Variants in ABCE1 observed in about 807,000 individuals in gnomAD.
ABCE1 encodes the protein ATP-binding cassette sub-family E member 1.
Under a neutral mutation model 83.4 loss-of-function variants are expected in ABCE1, and 22 were observed. The observed-to-expected ratio is 0.26, with a 90% confidence interval of 0.19 to 0.38. ABCE1 has a LOEUF of 0.38. Ranked by LOEUF, ABCE1 falls within the 10% of genes least tolerant of loss-of-function variation. The pLI, the probability that ABCE1 is intolerant of heterozygous loss-of-function variation, is 1.00. For synonymous variants in ABCE1, 204 were observed against 233.7 expected, an observed-to-expected ratio of 0.87 and a Z score of 1.16; for missense variants, 330 against 721.9, an observed-to-expected ratio of 0.46 and a Z score of 6.22.
chr4:145,110,897 T>C, intron 7 of ABCE1, 71 bp from the exon 8 acceptor site: 1 of 942,482 alleles, frequency 1.1e-6, no homozygotes, highest in Non-Finnish European at 1.6e-6. Flanking sequence ...CTTCAAATGA[T>C]GACATGCAGT....
chr4:145,107,191 C>T (rs1349256136), intron 3 of ABCE1, among the ~76,000 whole-genome samples: 3 of 151,706 alleles, frequency 2.0e-5, no homozygotes, highest in South Asian at 2.1e-4. Context: ...GAATTGACTC[C>T]GAGAATTCAA....
intron 9 of ABCE1, among the ~76,000 whole-genome samples, chr4:145,115,426 C>G (rs1359634276): frequency 2.6e-5 from 4 of 151,896 alleles, no homozygotes; most frequent in Non-Finnish European, 4.4e-5. Flanking sequence ...ACCAGCTCAC[C>G]TGGGTGATTT....
Position 145,129,366 on chromosome 4 carries a change from T to C in ABCE1, c.*1793T>C, listed in dbSNP as rs1380175517. 6.6e-6 allele frequency among the ~76,000 whole-genome samples: 1 copy of C among 152,006 alleles called. No individual in the cohort carries two copies. ...AAATACTTATAAAATCAGTATAAAA[T>C]CAATGCAGATGTTAGCAAAAGAATG... is the stretch of plus-strand genomic sequence containing the variant. On this transcript the variant is annotated 3_prime_UTR_variant, in exon 18 of 18. Transcript: ENST00000296577.
chr4:145,105,283 G>A (rs1335479517), intron 2 of ABCE1, among the ~76,000 whole-genome samples: 1 of 151,882 alleles, frequency 6.6e-6, no homozygotes, highest in Non-Finnish European at 1.5e-5. Context: ...TAAAATTTAG[G>A]TTAATCAGCT....
Position 145,110,088 on chromosome 4 carries a change from T to C in ABCE1, c.406-15T>C. ...ATTAAATTCACATGATTCTGTATTT[T>C]TTTTTTTTTTTTAGGATCCTCCTGA... On this transcript the variant is annotated splice_polypyrimidine_tract_variant and intron_variant, in intron 5 of 17. Coordinates refer to ENST00000296577, the MANE Select transcript of ABCE1 (RefSeq NM_002940.3). 2.0e-6 allele frequency: 3 copies of C among 1,528,712 alleles called. No individual in the cohort carries two copies. Among genetic ancestry groups the C allele is most frequent in the Non-Finnish European group, 2.6e-6 (3 of 1,140,200 alleles). 94.7% of individuals were successfully genotyped at this position (1,528,712 alleles called of 1,614,324 possible).
At chr4:145,103,907 G>A (rs896389611) in intron 1 of ABCE1, among the ~76,000 whole-genome samples, 5 of 151,670 alleles carry the variant, frequency 3.3e-5, no homozygotes, top group African/African-American at 7.3e-5. Flanking sequence ...GACCGCAGGC[G>A]CACACCACCA....
intron 3 of ABCE1, among the ~76,000 whole-genome samples, chr4:145,107,463 C>G (rs1229151865): frequency 6.6e-6 from 1 of 152,130 alleles, no homozygotes; most frequent in African/African-American, 2.4e-5. Context: ...TTAGCCTCCC[C>G]TCATCTAATA....
rs570210416 is a variant in ABCE1, at chr4:145,125,176, A to G, written c.1752+75A>G. The G allele has an allele frequency of 6.1e-5, 68 of 1,118,350 alleles. No individual in the cohort carries two copies. In the African/African-American group the frequency reaches 8.0e-4, roughly 13 times the overall value. 69.3% of individuals were successfully genotyped at this position (1,118,350 alleles called of 1,614,324 possible). ...CACTTGAAAGGCTATTTAAAAATCA[A>G]TAACATATGGCTGGGCACAGTGGCT... On this transcript the variant is annotated intron_variant, in intron 17 of 17. Coordinates refer to ENST00000296577, the MANE Select transcript of ABCE1 (RefSeq NM_002940.3).
chr4:145,121,470 A>G, intron 13 of ABCE1, 79 bp downstream of exon 13: 1 of 1,086,852 alleles, frequency 9.2e-7, no homozygotes, highest in South Asian at 1.5e-5. Flanking sequence ...ACTATATTAA[A>G]ATTTTTCTCC....
intron 4 of ABCE1, among the ~76,000 whole-genome samples, chr4:145,108,442 C>T (rs1221179724): frequency 6.6e-6 from 1 of 152,076 alleles, no homozygotes; most frequent in Non-Finnish European, 1.5e-5. Flanking sequence ...GTTCCTAGTA[C>T]CCTTATCCCC....
intron 9 of ABCE1, among the ~76,000 whole-genome samples, chr4:145,112,985 T>C (rs1040312362): frequency 1.3e-5 from 2 of 152,224 alleles, no homozygotes; most frequent in African/African-American, 2.4e-5. Context: ...TTCTGTGTTA[T>C]ACTGCCTCTT....
intron 11 of ABCE1, among the ~76,000 whole-genome samples, 173 bp downstream of exon 11, chr4:145,120,326 A>G (rs1017875107): frequency 3.9e-5 from 6 of 152,102 alleles, no homozygotes; most frequent in African/African-American, 9.6e-5. Flanking sequence ...GTGTAATTCA[A>G]TTTCACTGTA....
At position 145,108,101 on chromosome 4, in the gene ABCE1, C is replaced by T. The variant is rs1026793710; in HGVS notation, c.276C>T (p.Phe92=). Residue 92 remains phenylalanine, a synonymous_variant, in exon 4 of 18, where the codon TTC becomes TTT. Coordinates refer to ENST00000296577, the MANE Select transcript of ABCE1 (RefSeq NM_002940.3). ...CACATCGATATTGTGCCAATGCCTT[C>T]AAACTTCACAGGTATATTTTCACAT... ...ETTHRYCANA[F]KLHRLPIPRP... The T allele has an allele frequency of 6.2e-7, 1 of 1,612,542 alleles. No homozygotes were observed. The highest frequency in any genetic ancestry group is 8.5e-7 in the Non-Finnish European group (1 of 1,179,004).
chr4:145,105,222 C>G (rs542592265), intron 2 of ABCE1, among the ~76,000 whole-genome samples: 1 of 151,940 alleles, frequency 6.6e-6, no homozygotes, highest in Non-Finnish European at 1.5e-5. Context: ...ATAGTTCATT[C>G]GTTTAATGCT....
rs760155803 is a variant in ABCE1 at position 145,104,545 on chromosome 4, A to G, written c.103+30A>G. 5 of 1,415,318 alleles carry G rather than the reference A, an allele frequency of 3.5e-6. No homozygotes were observed. In the Admixed American group the frequency reaches 6.5e-5, roughly 18 times the overall value. 87.7% of individuals were successfully genotyped at this position (1,415,318 alleles called of 1,614,324 possible). On this transcript the variant is annotated intron_variant, in intron 2 of 17. Coordinates refer to ENST00000296577, the MANE Select transcript of ABCE1 (RefSeq NM_002940.3). ...GCTGTTCTGTGGATCATTTAAGTAT[A>G]AAAGAAAACCATGAAAGAAATCAAC... is the stretch of plus-strand genomic sequence containing the variant.
At chr4:145,115,705 A>G (rs561813650) in intron 9 of ABCE1, among the ~76,000 whole-genome samples, 33 of 152,066 alleles carry the variant, frequency 2.2e-4, no homozygotes, top group African/African-American at 7.2e-4. Context: ...AGTAGTCACT[A>G]TATGGGACAA....
chr4:145,126,050 C>T (rs1025365351), intron 17 of ABCE1, among the ~76,000 whole-genome samples: 2 of 151,924 alleles, frequency 1.3e-5, no homozygotes, highest in African/African-American at 4.8e-5. Context: ...CTGCCCCCGC[C>T]CCCGCAACCC....
intron 1 of ABCE1, among the ~76,000 whole-genome samples, chr4:145,101,889 C>A (rs1477944654): frequency 6.6e-6 from 1 of 151,946 alleles, no homozygotes; most frequent in Non-Finnish European, 1.5e-5. Context: ...GGTATGCTGA[C>A]TAAAGATAGA....
chr4:145,104,286 TC>T (rs1749237685), intron 1 of ABCE1, 99 bp from the exon 2 acceptor site: 2 of 433,020 alleles, frequency 4.6e-6, no homozygotes, highest in Admixed American at 8.7e-5. Context: ...GATAATCATT[TC>T]ATCTCCATAT....
Sources: allele counts gnomAD v4.1 joint callset (sites outside exome capture counted in the v4.1 genomes callset), GRCh38; gene constraint gnomAD v4.1.1; transcripts MANE v1.5; gene names NCBI Gene and HGNC (gene_info 2026-07-23, HGNC 2026-07-21).